EPN3: variants seen among roughly 807,000 people sequenced by gnomAD.
EPN3 encodes epsin 3.
A neutral mutation model predicts 55.5 loss-of-function variants in EPN3; 56 were observed. The ratio of observed to expected loss-of-function variants is 1.01; its 90% CI spans 0.81 to 1.26. The LOEUF is 1.26. Among genes scored for constraint, EPN3 ranks in the 50% most tolerant of loss-of-function variants. The pLI, the probability that EPN3 is intolerant of heterozygous loss-of-function variation, is 0.00. For synonymous variants in EPN3, 449 were observed against 375.2 expected (o/e 1.20, Z -2.27); for missense variants, 927 against 853.4 (o/e 1.09, Z -1.07).
Position 50,533,414 on chromosome 17 carries a change from A to G in EPN3, c.-137+429A>G, listed in dbSNP as rs1238380898. Reference sequence around the variant, plus strand: ...CCCCCTGTCCCTTACAGCATCAAGAAGGGCACTGTCATTCCCCACTGCTCA... The same window carrying G: ...CCCCCTGTCCCTTACAGCATCAAGAGGGGCACTGTCATTCCCCACTGCTCA... On this transcript the variant is annotated intron_variant, in intron 1 of 9. Transcript: ENST00000268933. Among the ~76,000 whole-genome samples, 6 of 152,266 alleles carry G rather than the reference A, an allele frequency of 3.9e-5. No individual in the cohort carries two copies. In the East Asian group the frequency reaches 1.2e-3, roughly 29 times the overall value.
Position 50,539,265 on chromosome 17 carries a change from G to A in EPN3, c.841G>A (p.Glu281Lys), listed in dbSNP as rs2034811652. Residue 281 changes from glutamate to lysine, a missense_variant, in exon 5 of 10, where the codon GAG becomes AAG. Glu to Lys is a moderately conservative substitution (Grantham distance 56, BLOSUM62 1). Coordinates refer to ENST00000268933, the MANE Select transcript of EPN3 (RefSeq NM_017957.3). Reference sequence around the variant, plus strand: ...CGTGGTCCACCATCAGCGGGACAGAGAGCCTGAGAGAGAAGAGAGAAAGGA... The same window carrying A: ...CGTGGTCCACCATCAGCGGGACAGAAAGCCTGAGAGAGAAGAGAGAAAGGA... ...GAVVHHQRDR[E>K]PEREERKEEE... 6.8e-6 allele frequency: 11 copies of A among 1,614,210 alleles called. No homozygotes were observed. The highest frequency in any genetic ancestry group is 1.3e-5 in the African/African-American group (1 of 75,064).
Position 50,536,877 on chromosome 17 carries a change from G to C in EPN3, c.321G>C (p.Lys107Asn). 6.2e-7 allele frequency: 1 copy of C among 1,614,144 alleles called. No homozygotes were observed. The highest frequency in any genetic ancestry group is 8.5e-7 in the Non-Finnish European group (1 of 1,180,046). The change falls in exon 2 of 10, where the codon AAG (lysine) becomes AAC (asparagine). Residue 107 changes from lysine (K) to asparagine (N), a missense_variant. Physicochemically the swap from Lys to Asn is moderately conservative, Grantham distance 94. Coordinates refer to ENST00000268933, the MANE Select transcript of EPN3 (RefSeq NM_017957.3). ...ACCTCTACACCATCCAGACACTCAA[G>C]GACTTCCAGTACATCGACCGCGACG... ...RENLYTIQTL[K>N]DFQYIDRDGK... is the part of the protein sequence containing the mutation.
chr17:50,541,588 C>T lies in EPN3; in HGVS notation c.1479C>T (p.Cys493=), dbSNP rs761940463. The T allele has an allele frequency of 2.6e-5, 42 of 1,614,072 alleles. No individual in the cohort carries two copies. Among genetic ancestry groups the T allele is most frequent in the Non-Finnish European group, 3.2e-5 (38 of 1,180,038 alleles). The change falls in exon 9 of 10, where the codon TGC becomes TGT. Residue 493 remains cysteine (C), a synonymous_variant. Coordinates refer to ENST00000268933, the MANE Select transcript of EPN3 (RefSeq NM_017957.3). ...AGCCAAGCAAAGAGGCCCGAGCTTG[C>T]CGGACTCCCGAGTCCTTCCTGGGTC... ...LTQPSKEARA[C]RTPESFLGPS... is the part of the protein sequence containing the mutation.
chr17:50,540,121 G>A, intron 5 of EPN3, 126 bp from the exon 6 acceptor site: 1 of 689,388 alleles, frequency 1.5e-6, no homozygotes, highest in South Asian at 1.7e-5. Context: ...CAGAGGTGAG[G>A]GATCATGAAT....
chr17:50,533,850 C>T (rs1339305983), intron 1 of EPN3, among the ~76,000 whole-genome samples: 1 of 152,188 alleles, frequency 6.6e-6, no homozygotes, highest in Non-Finnish European at 1.5e-5. Context: ...CTCTCTGTGC[C>T]CTTCCCTCCA....
chr17:50,538,186 G>C lies in EPN3; in HGVS notation c.670G>C (p.Glu224Gln). The change falls in exon 3 of 10, where the codon GAG (glutamate) becomes CAG (glutamine). Residue 224 changes from glutamate (E) to glutamine (Q), a missense_variant. Coordinates refer to ENST00000268933, the MANE Select transcript of EPN3 (RefSeq NM_017957.3). ...LQLALAMSREEAEKPVPPASH... is the reference protein window; with the variant it reads ...LQLALAMSREQAEKPVPPASH... ...GCTGGCCCTCGCCATGAGCCGTGAG[G>C]AGGCAGAGAAGGTGAGGCCATGCAG... 6.2e-7 allele frequency: 1 copy of C among 1,611,082 alleles called. No individual in the cohort carries two copies. Among genetic ancestry groups the C allele is most frequent in the Non-Finnish European group, 8.5e-7 (1 of 1,179,902 alleles).
At chr17:50,540,390 C>T (rs2034830807) in intron 6 of EPN3, 56 bp downstream of exon 6, 1 of 1,519,302 alleles carries the variant, frequency 6.6e-7, no homozygotes, top group Admixed American at 1.8e-5. Context: ...CTCCTCCTTC[C>T]CAGCCACTTG....
At position 50,542,129 on chromosome 17, in the gene EPN3, C is replaced by A. The variant is rs745528658; in HGVS notation, c.1871C>A (p.Pro624Gln). 9.2e-6 allele frequency: 14 copies of A among 1,518,722 alleles called. No individual in the cohort carries two copies. The highest frequency in any genetic ancestry group is 1.2e-5 in the Non-Finnish European group (14 of 1,141,936). 94.1% of individuals were successfully genotyped at this position (1,518,722 alleles called of 1,614,324 possible). Residue 624 changes from proline to glutamine, a missense_variant, in exon 10 of 10, where the codon CCG (proline) becomes CAG (glutamine). Coordinates refer to ENST00000268933, the MANE Select transcript of EPN3 (RefSeq NM_017957.3). ...PSSAGPRPPP[P>Q]QTGTNPFL ...TCAGCCGGGCCGCGGCCCCCGCCCC[C>A]GCAGACCGGCACCAACCCCTTCCTC...
intron 3 of EPN3, 36 bp from the exon 4 acceptor site, chr17:50,538,848 G>T (rs765710621): frequency 1.3e-6 from 2 of 1,512,630 alleles, no homozygotes; most frequent in South Asian, 1.3e-5. Flanking sequence ...CAAGGTGGGG[G>T]TACAGGGCCA....
At chr17:50,539,755 G>A (rs1009038691) in intron 5 of EPN3, among the ~76,000 whole-genome samples, 3 of 152,234 alleles carry the variant, frequency 2.0e-5, no homozygotes, top group Non-Finnish European at 4.4e-5. Context: ...TGGGGAGTGG[G>A]CAGCTGCTGA....
rs377028117 is a variant in EPN3, at chr17:50,538,239, TA to T, written c.681+43del. 348 of 1,529,680 alleles carry T rather than the reference TA, an allele frequency of 2.3e-4. 3 individuals are homozygous for T. In the African/African-American group the frequency reaches 4.0e-3, roughly 17 times the overall value. The allele number at this position is 1,529,680 out of a possible 1,614,324, so 94.8% of individuals were successfully genotyped here. Reference sequence around the variant, plus strand: ...CCACTGCGGTGGGGAGGGGATGGGCTAGGGGGAGAGAGTGCCTGGGAGCCCC... The same window carrying T: ...CCACTGCGGTGGGGAGGGGATGGGCTGGGGGAGAGAGTGCCTGGGAGCCCC... On this transcript the variant is annotated intron_variant, in intron 3 of 9. Transcript: ENST00000268933.
At chr17:50,533,907 C>G (rs2034718584) in intron 1 of EPN3, among the ~76,000 whole-genome samples, 2 of 152,178 alleles carry the variant, frequency 1.3e-5, no homozygotes, top group South Asian at 4.1e-4. Context: ...CCATACCCAG[C>G]TGCCCAGGGC....
At position 50,540,800 on chromosome 17, in the gene EPN3, G is replaced by A; in HGVS notation, c.987G>A (p.Arg329=). The part of the protein sequence containing the change: ...SADPWDIPGF[R]PNTEASGSSW... ...ATGCTGTTCCCATTTCAGGTTTTAG[G>A]CCGAACACAGAGGCCAGTGGATCCT... Residue 329 remains arginine (R), a synonymous_variant, in exon 7 of 10, where the codon AGG becomes AGA. Transcript: ENST00000268933. 6.2e-7 allele frequency: 1 copy of A among 1,608,864 alleles called. No individual in the cohort carries two copies. The highest frequency in any genetic ancestry group is 8.5e-7 in the Non-Finnish European group (1 of 1,176,506).
chr17:50,542,214 T>C lies in EPN3; in HGVS notation c.*57T>C. 1 of 1,407,316 alleles carries C rather than the reference T, an allele frequency of 7.1e-7. No homozygotes were observed. The highest frequency in any genetic ancestry group is 9.2e-7 in the Non-Finnish European group (1 of 1,090,728). The allele number at this position is 1,407,316 out of a possible 1,614,324, so 87.2% of individuals were successfully genotyped here. On this transcript the variant is annotated 3_prime_UTR_variant, in exon 10 of 10. Transcript: ENST00000268933. ...GCGCCGGACGCTCCGCGGCCCCGCC[T>C]CCGGACCCGGGGCTGGGCGGGGCGC...
At chr17:50,537,995 T>C in intron 2 of EPN3, 84 bp from the exon 3 acceptor site, 1 of 1,171,184 alleles carries the variant, frequency 8.5e-7, no homozygotes, top group East Asian at 2.4e-5. Context: ...CTCAGTTCTC[T>C]TGAGCCTCAG....
At chr17:50,541,764 C>G (rs2034852265) in intron 9 of EPN3, 70 bp downstream of exon 9, 1 of 1,606,454 alleles carries the variant, frequency 6.2e-7, no homozygotes. Context: ...CGGAGGAGCC[C>G]ACTCTTCTTC....
chr17:50,540,204 G>T (rs1460856636), intron 5 of EPN3, 43 bp from the exon 6 acceptor site: 2 of 1,555,922 alleles, frequency 1.3e-6, no homozygotes, highest in East Asian at 2.2e-5. Flanking sequence ...CTCCCTCCAG[G>T]CCCCGCCCAC....
chr17:50,535,847 T>C (rs944562913), intron 1 of EPN3, among the ~76,000 whole-genome samples: 12 of 152,164 alleles, frequency 7.9e-5, no homozygotes, highest in Non-Finnish European at 1.8e-4. Context: ...AGGATAGGTC[T>C]TAAGCTAGAT....
intron 3 of EPN3, 58 bp downstream of exon 3, chr17:50,538,255 C>T (rs945600014): frequency 7.2e-5 from 101 of 1,407,138 alleles, no homozygotes; most frequent in Non-Finnish European, 9.2e-5. Context: ...GAGAGAGTGC[C>T]TGGGAGCCCC....
Sources: gnomAD v4.1 joint callset for allele counts (sites outside exome capture counted in the v4.1 genomes callset) on GRCh38, gnomAD v4.1.1 for gene constraint, MANE v1.5 for transcripts, NCBI Gene and HGNC (gene_info 2026-07-23, HGNC 2026-07-21) for gene names.